The following PARD3B variants were observed in gnomAD, a reference collection of about 807,000 sequenced individuals.
PARD3B encodes the protein partitioning defective 3 homolog B.
PARD3B carries 103 observed loss-of-function variants against 130.2 expected under a neutral mutation model. The observed-to-expected ratio is 0.79, with a 90% CI of 0.67 to 0.93. The LOEUF is 0.93. Among genes scored for constraint, PARD3B ranks in the 40% least tolerant of loss-of-function variants. The pLI, the probability that PARD3B is intolerant of heterozygous loss-of-function variation, is 0.00. For synonymous variants in PARD3B, 583 were observed against 553.2 expected (o/e 1.05, Z -0.76); for missense variants, 1,609 against 1,499.2 (o/e 1.07, Z -1.21).
At chr2:204,680,069 T>C (rs1336007084) in intron 1 of PARD3B, among the ~76,000 whole-genome samples, 1 of 152,068 alleles carries the variant, frequency 6.6e-6, no homozygotes, top group African/African-American at 2.4e-5. Flanking sequence ...ATTTATGCTA[T>C]CTTTTTTAAA....
rs767386944 is a variant in PARD3B at position 205,121,740 on chromosome 2, C to T, written c.956C>T (p.Pro319Leu). ...NNDGVLKTKV[P>L]PPVHGKSGLK... The stretch of plus-strand genomic sequence containing the variant: ...GATGGCGTTTTGAAAACCAAAGTGC[C>T]GCCTCCTGTCCATGGAAAATCGGGA... Residue 319 changes from proline to leucine, a missense_variant, in exon 8 of 23, where the codon CCG becomes CTG. Coordinates refer to ENST00000406610, the MANE Select transcript of PARD3B (RefSeq NM_001302769.2). This position sits in a 1 kb window ranked among gnomAD's most constrained non-coding sequence, Gnocchi z 5.0. 36 of 1,613,952 alleles carry T rather than the reference C, an allele frequency of 2.2e-5. No homozygotes were observed. The East Asian group carries it at 4.7e-4, about 21-fold the overall frequency.
chr2:204,955,086 T>G (rs551625650), intron 2 of PARD3B, among the ~76,000 whole-genome samples: 50 of 152,222 alleles, frequency 3.3e-4, no homozygotes, highest in Non-Finnish European at 6.9e-4. Flanking sequence ...AAAATCACAT[T>G]TGATTGCTTA....
chr2:204,911,508 A>C (rs887573643), intron 2 of PARD3B, among the ~76,000 whole-genome samples: 13 of 152,176 alleles, frequency 8.5e-5, no homozygotes, highest in African/African-American at 3.1e-4. Context: ...TAATATGAAA[A>C]ATTTTCTATT....
At chr2:204,936,251 G>T (rs186214298) in intron 2 of PARD3B, among the ~76,000 whole-genome samples, 1 of 152,374 alleles carries the variant, frequency 6.6e-6, no homozygotes, top group East Asian at 1.9e-4. Flanking sequence ...GGAGTCATCA[G>T]CGGAAACTTT....
Position 205,094,073 on chromosome 2 carries a change from C to T in PARD3B, c.505-10353C>T, listed in dbSNP as rs568667544. Among the ~76,000 whole-genome samples the T allele has an allele frequency of 4.0e-4, 61 of 152,284 alleles. No homozygotes were observed. In the South Asian group the frequency reaches 0.01, roughly 25 times the overall value. ...TCCATACAGTTGTCTTTGACTCTTC[C>T]GCTGTTCCTCCTTCTTCACATAAGT... On this transcript the variant is annotated intron_variant, in intron 4 of 22. Transcript: ENST00000406610.
intron 2 of PARD3B, among the ~76,000 whole-genome samples, chr2:204,797,038 G>A (rs1458746132): frequency 6.6e-6 from 1 of 151,944 alleles, no homozygotes; most frequent in Non-Finnish European, 1.5e-5. Context: ...AGCTGGGCAT[G>A]GTGGTGGGTG....
At chr2:205,018,556 G>T (rs1377019347) in intron 3 of PARD3B, among the ~76,000 whole-genome samples, 1 of 151,830 alleles carries the variant, frequency 6.6e-6, no homozygotes, top group Non-Finnish European at 1.5e-5. Flanking sequence ...AGAAACATTT[G>T]ATTTCAAATG....
intron 21 of PARD3B, among the ~76,000 whole-genome samples, chr2:205,533,067 G>A (rs2051674064): frequency 1.3e-5 from 2 of 151,978 alleles, no homozygotes; most frequent in Admixed American, 6.6e-5. Flanking sequence ...AATGATGAGT[G>A]TTATAATAAC....
intron 11 of PARD3B, among the ~76,000 whole-genome samples, chr2:205,170,933 G>C (rs1417013006): frequency 6.6e-6 from 1 of 152,106 alleles, no homozygotes; most frequent in Non-Finnish European, 1.5e-5. Flanking sequence ...AGAAACAAAG[G>C]GAATTGTCGT....
chr2:205,232,853 G>A (rs962651173), intron 15 of PARD3B, among the ~76,000 whole-genome samples: 2 of 152,074 alleles, frequency 1.3e-5, no homozygotes, highest in African/African-American at 4.8e-5. Context: ...CAAACTGAAA[G>A]GAAAAAGACA....
At chr2:204,795,156 G>A (rs763522727) in intron 2 of PARD3B, among the ~76,000 whole-genome samples, 15 of 152,170 alleles carry the variant, frequency 9.9e-5, no homozygotes, top group African/African-American at 1.2e-4. Flanking sequence ...GCTTAGGTTA[G>A]GAAAATAGGT....
chr2:204,910,332 A>C (rs1166649167), intron 2 of PARD3B, among the ~76,000 whole-genome samples: 3 of 152,216 alleles, frequency 2.0e-5, no homozygotes, highest in Non-Finnish European at 4.4e-5. Context: ...TTTGTTTTAA[A>C]GAACAGACTG....
At chr2:205,402,616 G>C (rs1053730457) in intron 19 of PARD3B, among the ~76,000 whole-genome samples, 7 of 152,122 alleles carry the variant, frequency 4.6e-5, no homozygotes, top group African/African-American at 1.4e-4. Context: ...TTTAAGCAAG[G>C]GTTCATTTCC....
At position 205,562,968 on chromosome 2, in the gene PARD3B, T is replaced by C. The variant is rs2053191685; in HGVS notation, c.3260+9565T>C. Among the ~76,000 whole-genome samples, 2 of 152,206 alleles carry C rather than the reference T, an allele frequency of 1.3e-5. No homozygotes were observed. The highest frequency in any genetic ancestry group is 1.3e-4 in the Admixed American group (2 of 15,278). Reference sequence around the variant, plus strand: ...GACATTATGAATAAATGAAGTGTATTAATTTATTATAACATCTGATTTGTA... The same window carrying C: ...GACATTATGAATAAATGAAGTGTATCAATTTATTATAACATCTGATTTGTA... On this transcript the variant is annotated intron_variant, in intron 22 of 22. Transcript: ENST00000406610. This position sits in a 1 kb window ranked among gnomAD's most constrained non-coding sequence, Gnocchi z 5.4.
At chr2:204,651,967 C>T (rs2035493899) in intron 1 of PARD3B, among the ~76,000 whole-genome samples, 2 of 152,156 alleles carry the variant, frequency 1.3e-5, no homozygotes, top group South Asian at 2.1e-4. Flanking sequence ...ATGTGGGGCA[C>T]CATGTCCCAA....
chr2:205,539,694 C>T (rs566621956), intron 21 of PARD3B, among the ~76,000 whole-genome samples: 6 of 152,244 alleles, frequency 3.9e-5, no homozygotes, highest in South Asian at 4.2e-4. Context: ...TTTAGATATC[C>T]GGTTCTGAAG....
chr2:204,602,450 A>T (rs2033552510), intron 1 of PARD3B, among the ~76,000 whole-genome samples: 1 of 151,302 alleles, frequency 6.6e-6, no homozygotes, highest in South Asian at 2.1e-4. Context: ...CAGTTTAAAA[A>T]AAAATAAAAA....
At chr2:204,737,930 C>G (rs1369654945) in intron 2 of PARD3B, among the ~76,000 whole-genome samples, 1 of 152,106 alleles carries the variant, frequency 6.6e-6, no homozygotes. Flanking sequence ...GATCTATGTG[C>G]CTACTTTTAT....
chr2:204,774,077 A>C (rs574449296), intron 2 of PARD3B, among the ~76,000 whole-genome samples: 1 of 151,586 alleles, frequency 6.6e-6, no homozygotes, highest in African/African-American at 2.4e-5. Context: ...CTGCATGCCA[A>C]TCTCTCACTG....
Sources: allele counts gnomAD v4.1 joint callset (sites outside exome capture counted in the v4.1 genomes callset), GRCh38; gene constraint gnomAD v4.1.1; non-coding constraint Gnocchi (gnomAD v3.1); transcripts MANE v1.5; gene names NCBI Gene and HGNC (gene_info 2026-07-23, HGNC 2026-07-21).